GRM3: variants seen among roughly 807,000 people sequenced by gnomAD.
GRM3 encodes the protein metabotropic glutamate receptor 3.
Under a neutral mutation model 70.5 loss-of-function variants are expected in GRM3, and 26 were observed. The observed-to-expected ratio is 0.37, with a 90% confidence interval of 0.27 to 0.51. The LOEUF is 0.51. GRM3 is among the 20% of genes least tolerant of loss of function. The pLI is 0.93. For missense variants in GRM3, 859 were observed against 1,123.8 expected (o/e 0.76, Z 3.37); for synonymous variants, 443 against 434.9 (o/e 1.02, Z -0.23).
rs1330256731 is a variant in GRM3 at position 86,754,313 on chromosome 7, G to C, written c.-140-10693G>C. ...TCTCTCTTTAATGTTTTAACCCTGT[G>C]TTTTGGGCCATTCAAAAATTTGATC... On this transcript the variant is annotated intron_variant, in intron 1 of 5. Coordinates refer to ENST00000361669, the MANE Select transcript of GRM3 (RefSeq NM_000840.3). 2.6e-5 allele frequency among the ~76,000 whole-genome samples: 4 copies of C among 152,202 alleles called. No homozygotes were observed. The East Asian group carries it at 5.8e-4, about 22-fold the overall frequency.
intron 3 of GRM3, among the ~76,000 whole-genome samples, chr7:86,818,868 G>C (rs1344258686): frequency 6.6e-6 from 1 of 152,020 alleles, no homozygotes; most frequent in African/African-American, 2.4e-5. Flanking sequence ...ACACGATGTG[G>C]GCCAATTTCC....
chr7:86,716,737 C>A lies in GRM3; in HGVS notation c.-140-48269C>A, dbSNP rs138394550. Among the ~76,000 whole-genome samples the A allele has an allele frequency of 5.2e-3, 795 of 151,536 alleles. 11 individuals are homozygous for A. The highest frequency in any genetic ancestry group is 0.021 in the South Asian group (100 of 4,804). On this transcript the variant is annotated intron_variant, in intron 1 of 5. Coordinates refer to ENST00000361669, the MANE Select transcript of GRM3 (RefSeq NM_000840.3). ...TCTTTATAAATTACAGAATTATAAG[C>A]CCAATTTGAGGCTTATAATTTACAT...
intron 1 of GRM3, among the ~76,000 whole-genome samples, chr7:86,688,369 G>A (rs1473406371): frequency 6.6e-6 from 1 of 151,548 alleles, no homozygotes; most frequent in African/African-American, 2.4e-5. Context: ...GAAAAAAGTA[G>A]ATCTTAAGTA....
At chr7:86,799,958 C>G (rs1797645042) in intron 3 of GRM3, among the ~76,000 whole-genome samples, 1 of 152,080 alleles carries the variant, frequency 6.6e-6, no homozygotes, top group Non-Finnish European at 1.5e-5. Flanking sequence ...TATGTTGAAC[C>G]AGGCTTGCAT....
chr7:86,683,613 T>C (rs1794493067), intron 1 of GRM3, among the ~76,000 whole-genome samples: 1 of 152,138 alleles, frequency 6.6e-6, no homozygotes, highest in Admixed American at 6.6e-5. Flanking sequence ...CAGGATAGCA[T>C]TGATATCACC....
intron 1 of GRM3, among the ~76,000 whole-genome samples, chr7:86,738,410 A>G (rs1795912667): frequency 6.6e-6 from 1 of 152,208 alleles, no homozygotes; most frequent in South Asian, 2.1e-4. Flanking sequence ...AGGATGTGAG[A>G]TACAAAGCTG....
intron 2 of GRM3, among the ~76,000 whole-genome samples, chr7:86,783,207 C>T (rs1267724839): frequency 6.6e-6 from 1 of 152,192 alleles, no homozygotes; most frequent in East Asian, 1.9e-4. Context: ...AGCAACTAGG[C>T]AGTCTATGGT....
chr7:86,793,770 TCTG>T (rs529134079), intron 3 of GRM3, among the ~76,000 whole-genome samples: 4 of 152,060 alleles, frequency 2.6e-5, no homozygotes, highest in African/African-American at 4.8e-5. Flanking sequence ...GCTTGTGCTT[TCTG>T]CTGCTGCTGC....
At chr7:86,765,725 C>A (rs1796585583) in intron 2 of GRM3, 112 bp downstream of exon 2, 2 of 827,722 alleles carry the variant, frequency 2.4e-6, no homozygotes, top group African/African-American at 1.7e-5. Context: ...ATCAACAATG[C>A]AATTATTAAT....
intron 1 of GRM3, among the ~76,000 whole-genome samples, chr7:86,753,914 G>A (rs1796287028): frequency 6.6e-6 from 1 of 152,064 alleles, no homozygotes; most frequent in South Asian, 2.1e-4. Context: ...TGCCAGCATG[G>A]TGACACTGAA....
chr7:86,780,756 T>C (rs959707194), intron 2 of GRM3, among the ~76,000 whole-genome samples: 4 of 152,214 alleles, frequency 2.6e-5, no homozygotes, highest in African/African-American at 9.6e-5. Context: ...ACTATCATTG[T>C]TATCTCTGTT....
chr7:86,858,552 G>A (rs919114046), intron 5 of GRM3, among the ~76,000 whole-genome samples: 3 of 152,106 alleles, frequency 2.0e-5, no homozygotes, highest in Admixed American at 1.3e-4. Flanking sequence ...ACAGCAGGAA[G>A]GCCCTCACCA....
chr7:86,729,203 G>A (rs1472193696), intron 1 of GRM3, among the ~76,000 whole-genome samples: 1 of 152,122 alleles, frequency 6.6e-6, no homozygotes, highest in Non-Finnish European at 1.5e-5. Context: ...TCCCAAGCTG[G>A]ACTGTCTGTT....
intron 1 of GRM3, among the ~76,000 whole-genome samples, chr7:86,697,258 G>A (rs1418522056): frequency 6.6e-6 from 1 of 150,890 alleles, no homozygotes; most frequent in East Asian, 1.9e-4. Flanking sequence ...AGGAAGAGAA[G>A]TAAGGACAAT....
intron 1 of GRM3, among the ~76,000 whole-genome samples, chr7:86,689,354 A>C (rs935460646): frequency 6.6e-6 from 1 of 152,074 alleles, no homozygotes; most frequent in Non-Finnish European, 1.5e-5. Flanking sequence ...TTCTACAATT[A>C]GTCCCATTTT....
At chr7:86,736,178 CGGATACAT>C (rs1562843286) in intron 1 of GRM3, among the ~76,000 whole-genome samples, 1 of 152,016 alleles carries the variant, frequency 6.6e-6, no homozygotes. Flanking sequence ...GAAAAGCTAA[CGGATACAT>C]GGTGATTGTT....
At chr7:86,734,469 T>G (rs1324986998) in intron 1 of GRM3, among the ~76,000 whole-genome samples, 1 of 152,210 alleles carries the variant, frequency 6.6e-6, no homozygotes, top group Non-Finnish European at 1.5e-5. Flanking sequence ...TCTTCCCTAT[T>G]TCTGCACTTC....
At chr7:86,851,327 A>G (rs1798751265) in intron 5 of GRM3, among the ~76,000 whole-genome samples, 1 of 152,164 alleles carries the variant, frequency 6.6e-6, no homozygotes, top group African/African-American at 2.4e-5. Context: ...ACTGGCCTGC[A>G]AATGTCTGAA....
intron 5 of GRM3, among the ~76,000 whole-genome samples, chr7:86,862,503 T>C (rs1399025086): frequency 6.6e-6 from 1 of 152,150 alleles, no homozygotes; most frequent in Non-Finnish European, 1.5e-5. Context: ...TTTCAGGAAA[T>C]GCATATGACA....
Sources: allele counts gnomAD v4.1 joint callset (sites outside exome capture counted in the v4.1 genomes callset), GRCh38; gene constraint gnomAD v4.1.1; transcripts MANE v1.5; gene names NCBI Gene and HGNC (gene_info 2026-07-23, HGNC 2026-07-21).